The following CHD5 variants were observed in gnomAD, a reference collection of about 807,000 sequenced individuals.
CHD5 encodes chromodomain helicase DNA binding protein 5.
A neutral mutation model predicts 230.3 loss-of-function variants in CHD5; 69 were observed. The ratio of observed to expected loss-of-function variants is 0.30; its 90% CI spans 0.25 to 0.37. CHD5 has a LOEUF of 0.37. CHD5 is among the 10% of genes least tolerant of loss of function. The pLI is 1.00. For synonymous variants in CHD5, 1,064 were observed against 1,065.9 expected, an observed-to-expected ratio of 1.00 and a Z score of 0.03; for missense variants, 1,827 against 2,622.8, an observed-to-expected ratio of 0.70 and a Z score of 6.63.
Position 6,173,693 on chromosome 1 carries a change from C to A in CHD5, c.80-5416G>T, listed in dbSNP as rs188193727. The stretch of plus-strand genomic sequence containing the variant: ...CTCAGCAATGGCAGGCAGAGCCCAG[C>A]GAGACCCAGGAGGGTCAGGGCGGCA... On this transcript the variant is annotated intron_variant, in intron 1 of 41. Transcript: ENST00000262450. 5.4e-3 allele frequency among the ~76,000 whole-genome samples: 826 copies of A among 152,234 alleles called. 3 individuals are homozygous for A. The highest frequency in any genetic ancestry group is 0.018 in the African/African-American group (754 of 41,544).
Position 6,129,197 on chromosome 1 carries a change from C to G in CHD5, c.3388-128G>C. The G allele has an allele frequency of 1.5e-6, 1 of 666,184 alleles. No individual in the cohort carries two copies. The highest frequency in any genetic ancestry group is 2.6e-6 in the Non-Finnish European group (1 of 386,568). 41.3% of individuals were successfully genotyped at this position (666,184 alleles called of 1,614,324 possible). Reference sequence around the variant, plus strand: ...GTGTAGGGAAAGGCGTGTGGTGCGTCCAGGTGTGTGGAGCCCACCACTGCA... The same window carrying G: ...GTGTAGGGAAAGGCGTGTGGTGCGTGCAGGTGTGTGGAGCCCACCACTGCA... On this transcript the variant is annotated intron_variant, in intron 22 of 41. Transcript: ENST00000262450. This position sits in a 1 kb window ranked among gnomAD's most constrained non-coding sequence, Gnocchi z 6.8.
At chr1:6,169,438 A>G (rs1011915644) in intron 1 of CHD5, among the ~76,000 whole-genome samples, 1 of 152,236 alleles carries the variant, frequency 6.6e-6, no homozygotes, top group African/African-American at 2.4e-5. Context: ...CACTGGCCAC[A>G]GTCCCAGGTC....
At chr1:6,119,992 C>A (rs1323669289) in intron 33 of CHD5, among the ~76,000 whole-genome samples, 1 of 151,948 alleles carries the variant, frequency 6.6e-6, no homozygotes, top group Admixed American at 6.6e-5. Flanking sequence ...TCCTGAGTAG[C>A]TGGGACTACA....
In CHD5 at chr1:6,159,382, T is replaced by C; in HGVS notation, c.341A>G (p.Lys114Arg). The C allele has an allele frequency of 1.9e-6, 3 of 1,552,360 alleles. No individual in the cohort carries two copies. The highest frequency in any genetic ancestry group is 2.6e-6 in the Non-Finnish European group (3 of 1,147,118). ...KDKKEKKAKR[K>R]KKDEDEDDND... ...ATCATCCTCATCCTCATCCTTCTTT[T>C]TTCGCTTGGCTTTTTTCTCCTTCTT... Residue 114 changes from lysine (K) to arginine (R), a missense_variant, in exon 3 of 42, where the codon AAA becomes AGA. Transcript: ENST00000262450.
Position 6,154,514 on chromosome 1 carries a change from A to G in CHD5, c.745+146T>C. On this transcript the variant is annotated intron_variant, in intron 5 of 41. Coordinates refer to ENST00000262450, the MANE Select transcript of CHD5 (RefSeq NM_015557.3). This position sits in a 1 kb window ranked among gnomAD's most constrained non-coding sequence, Gnocchi z 7.0. ...CTCACTGCTGAGAAAGGACCGGGCAATCCAAGGTCACACAGGCACAGAGCC... is the reference window on the plus strand; with the variant it reads ...CTCACTGCTGAGAAAGGACCGGGCAGTCCAAGGTCACACAGGCACAGAGCC... 1 of 641,898 alleles carries G rather than the reference A, an allele frequency of 1.6e-6. No individual in the cohort carries two copies. The highest frequency in any genetic ancestry group is 2.5e-6 in the Non-Finnish European group (1 of 400,544). 39.8% of individuals were successfully genotyped at this position (641,898 alleles called of 1,614,324 possible). A position where few individuals can be genotyped will look rare whatever the true frequency, so the allele number is the denominator to read the frequency against.
Position 6,112,895 on chromosome 1 carries a change from G to T in CHD5, c.5002+14C>A. ...CCATGGGGCACAGGTAGAGAACACA[G>T]AAGAGCCCCAGACCTGGCCTGAGTT... On this transcript the variant is annotated intron_variant, in intron 34 of 41. Coordinates refer to ENST00000262450, the MANE Select transcript of CHD5 (RefSeq NM_015557.3). 2 of 1,602,344 alleles carry T rather than the reference G, an allele frequency of 1.2e-6. No homozygotes were observed. The highest frequency in any genetic ancestry group is 1.7e-6 in the Non-Finnish European group (2 of 1,169,990).
intron 1 of CHD5, among the ~76,000 whole-genome samples, chr1:6,170,353 C>T (rs780648917): frequency 3.9e-5 from 6 of 152,288 alleles, no homozygotes; most frequent in Non-Finnish European, 8.8e-5. Context: ...CAGGAGGGCT[C>T]CTACCCTGGG....
intron 7 of CHD5, 73 bp downstream of exon 7, chr1:6,150,959 A>G (rs1666997796): frequency 1.3e-5 from 18 of 1,411,036 alleles, no homozygotes; most frequent in Non-Finnish European, 1.5e-5. Flanking sequence ...AGAACCGTCC[A>G]GATGGGGAGT....
intron 33 of CHD5, among the ~76,000 whole-genome samples, chr1:6,120,416 C>A (rs1390875069): frequency 6.6e-6 from 1 of 151,780 alleles, no homozygotes; most frequent in Non-Finnish European, 1.5e-5. Flanking sequence ...TGCCTGCAAT[C>A]CCAACACTGT....
chr1:6,149,414 T>C lies in CHD5; in HGVS notation c.995-2A>G. 1 of 1,605,462 alleles carries C rather than the reference T, an allele frequency of 6.2e-7. No homozygotes were observed. The highest frequency in any genetic ancestry group is 8.5e-7 in the Non-Finnish European group (1 of 1,174,506). ...TCTCATAGCCGTCACCATCATCAAC[T>C]AGGGTAGGGGAGAGGCAGTCATGGA... On this transcript the variant is annotated splice_acceptor_variant, in intron 7 of 41. Transcript: ENST00000262450. LOFTEE classifies it high-confidence loss of function.
At chr1:6,179,353 G>A (rs932686656) in intron 1 of CHD5, among the ~76,000 whole-genome samples, 1 of 152,142 alleles carries the variant, frequency 6.6e-6, no homozygotes, top group African/African-American at 2.4e-5. Flanking sequence ...GGCCAGGAAA[G>A]AGGAGCAGGG....
At chr1:6,108,843 AAGAAT>A (rs1666239349) in intron 38 of CHD5, among the ~76,000 whole-genome samples, 1 of 133,250 alleles carries the variant, frequency 7.5e-6, no homozygotes, top group Non-Finnish European at 1.6e-5. Context: ...TGAGGGGTGA[AAGAAT>A]AGAGGGATGG....
In CHD5 at chr1:6,125,342, G is replaced by A. The variant is rs1666538104; in HGVS notation, c.4261-109C>T. The A allele has an allele frequency of 8.2e-7, 1 of 1,217,496 alleles. No homozygotes were observed. The highest frequency in any genetic ancestry group is 1.1e-6 in the Non-Finnish European group (1 of 879,176). The allele number at this position is 1,217,496 out of a possible 1,614,324, so 75.4% of individuals were successfully genotyped here. ...GGGAGGAGGAGAAGGTAGGAAGGGG[G>A]CACAGAGAAGGCAGGGGCCTCCACC... On this transcript the variant is annotated intron_variant, in intron 28 of 41. Transcript: ENST00000262450. This position sits in a 1 kb window ranked among gnomAD's most constrained non-coding sequence, Gnocchi z 6.7.
chr1:6,161,789 A>G (rs547978556), intron 2 of CHD5, among the ~76,000 whole-genome samples: 3 of 152,322 alleles, frequency 2.0e-5, no homozygotes, highest in South Asian at 2.1e-4. Flanking sequence ...CAGCAAAGGT[A>G]AGGACAAGAG....
chr1:6,133,022 G>C (rs1307685793), intron 20 of CHD5, among the ~76,000 whole-genome samples: 2 of 152,016 alleles, frequency 1.3e-5, no homozygotes, highest in Admixed American at 1.3e-4. Context: ...AACCTCCCAA[G>C]TCGCTGAGAT....
At chr1:6,116,796 T>C (rs919682735) in intron 33 of CHD5, among the ~76,000 whole-genome samples, 3 of 152,248 alleles carry the variant, frequency 2.0e-5, no homozygotes, top group East Asian at 1.9e-4. Context: ...CCATTAAAGG[T>C]GTACTTTAGG....
intron 33 of CHD5, among the ~76,000 whole-genome samples, chr1:6,115,358 G>A (rs1012525074): frequency 9.9e-5 from 15 of 151,998 alleles, no homozygotes; most frequent in African/African-American, 3.6e-4. Flanking sequence ...TGGTGTCCAC[G>A]CCCTGCAAGA....
chr1:6,121,654 G>C lies in CHD5; in HGVS notation c.4700-81C>G, dbSNP rs1013198196. On this transcript the variant is annotated intron_variant, in intron 31 of 41. Coordinates refer to ENST00000262450, the MANE Select transcript of CHD5 (RefSeq NM_015557.3). This position sits in a 1 kb window ranked among gnomAD's most constrained non-coding sequence, Gnocchi z 4.5. ...GCAGGGAGTGGGGTGGCAGAGAGGA[G>C]AGATGGGGGCTTGGCCTTCGGGAGG... 2 of 1,003,934 alleles carry C rather than the reference G, an allele frequency of 2.0e-6. No individual in the cohort carries two copies. Among genetic ancestry groups the C allele is most frequent in the Non-Finnish European group, 3.0e-6 (2 of 661,410 alleles). The allele number at this position is 1,003,934 out of a possible 1,614,324, so 62.2% of individuals were successfully genotyped here.
intron 1 of CHD5, 28 bp downstream of exon 1, chr1:6,179,917 G>T (rs1571179746): frequency 1.0e-5 from 13 of 1,250,204 alleles, no homozygotes; most frequent in Non-Finnish European, 1.3e-5. Context: ...CGCCGCTCTG[G>T]CCCCAGGCGC....
Sources: gnomAD v4.1 joint callset for allele counts (sites outside exome capture counted in the v4.1 genomes callset) on GRCh38, gnomAD v4.1.1 for gene constraint, Gnocchi (gnomAD v3.1) non-coding constraint, MANE v1.5 for transcripts, NCBI Gene and HGNC (gene_info 2026-07-23, HGNC 2026-07-21) for gene names.